IDO2: variants seen among roughly 807,000 people sequenced by gnomAD.
IDO2 encodes the protein indoleamine 2,3-dioxygenase-like 1 protein.
In IDO2, 46 loss-of-function variants were observed where a neutral mutation model predicts 45.1. The ratio of observed to expected loss-of-function variants is 1.02; its 90% CI spans 0.80 to 1.30. The LOEUF (loss-of-function observed/expected upper bound fraction) is 1.30. Ranked by LOEUF, IDO2 falls within the 50% of genes most tolerant of loss-of-function variation. The probability of loss-of-function intolerance (pLI) is 0.00; values close to 1 mark genes in which losing one functional copy is unlikely to be tolerated. For synonymous variants in IDO2, 218 were observed against 184.9 expected, an observed-to-expected ratio of 1.18 and a Z score of -1.45; for missense variants, 544 against 491.8, an observed-to-expected ratio of 1.11 and a Z score of -1.00.
At chr8:39,951,041 A>ACAAAACAAAACAAAG (rs1376787388) in intron 2 of IDO2, among the ~76,000 whole-genome samples, 1 of 151,500 alleles carries the variant, frequency 6.6e-6, no homozygotes, top group Admixed American at 6.6e-5. Context: ...ACAAAACAAA[A>ACAAAACAAAACAAAG]CAAAACAAAA....
chr8:40,001,316 C>A (rs1336158210), intron 8 of IDO2, among the ~76,000 whole-genome samples: 2 of 131,538 alleles, frequency 1.5e-5, no homozygotes, highest in Non-Finnish European at 3.0e-5. Flanking sequence ...GTGGTGCGAT[C>A]TTGGCTCACC....
exon 11 of IDO2, chr8:40,015,344 G>C: frequency 6.2e-7 from 1 of 1,613,832 alleles, no homozygotes; most frequent in African/African-American, 1.3e-5. Flanking sequence ...ACTACATCCT[G>C]TCATCTGGAC....
At chr8:39,962,545 C>A (rs12056477) in intron 2 of IDO2, among the ~76,000 whole-genome samples, 26,575 of 152,114 alleles carry the variant, frequency 0.17, 2,899 homozygotes, top group South Asian at 0.32. Context: ...CTCAGCTCAG[C>A]GAAATCCAGG....
chr8:39,960,975 G>C (rs1807986817), intron 2 of IDO2, among the ~76,000 whole-genome samples: 2 of 152,098 alleles, frequency 1.3e-5, no homozygotes, highest in Non-Finnish European at 2.9e-5. Context: ...AGTAGAGACG[G>C]GGTTTCACCG....
At chr8:39,968,075 C>CA (rs1160689428) in intron 3 of IDO2, among the ~76,000 whole-genome samples, 2 of 98,308 alleles carry the variant, frequency 2.0e-5, no homozygotes, top group Non-Finnish European at 1.9e-5. Flanking sequence ...TATTCATAAT[C>CA]ACCAAAAAAA....
intron 9 of IDO2, among the ~76,000 whole-genome samples, chr8:40,007,644 C>A (rs1802242924): frequency 6.6e-6 from 1 of 152,114 alleles, no homozygotes; most frequent in South Asian, 2.1e-4. Flanking sequence ...TAGGAAGCAC[C>A]CCAATTCTGG....
At chr8:39,982,346 T>A (rs1808366693) in intron 4 of IDO2, among the ~76,000 whole-genome samples, 2 of 152,070 alleles carry the variant, frequency 1.3e-5, no homozygotes, top group African/African-American at 4.8e-5. Context: ...TATGTTTAAT[T>A]GTTTTGGTAA....
Position 39,944,610 on chromosome 8 carries a change from T to G in IDO2, c.-17-4539T>G, listed in dbSNP as rs143114952. 5.0e-3 allele frequency among the ~76,000 whole-genome samples: 756 copies of G among 152,286 alleles called. 2 individuals are homozygous for G. The highest frequency in any genetic ancestry group is 7.9e-3 in the Non-Finnish European group (535 of 68,016). ...AGCTATATCCGCAATTCACAGGAAT[T>G]CGTCTGATTGATAACGCCCAAAGCC... On this transcript the variant is annotated intron_variant, in intron 1 of 10. Coordinates refer to ENST00000502986, the Ensembl canonical transcript of IDO2.
chr8:40,012,322 A>G (rs2981157), intron 9 of IDO2, among the ~76,000 whole-genome samples: 2 of 151,994 alleles, frequency 1.3e-5, no homozygotes, highest in African/African-American at 4.8e-5. Flanking sequence ...ATGGAAATCC[A>G]CATATGGGGT....
chr8:40,013,419 A>T (rs1157094257), intron 9 of IDO2, 146 bp from the exon 10 acceptor site: 1 of 724,804 alleles, frequency 1.4e-6, no homozygotes, highest in Non-Finnish European at 2.3e-6. Flanking sequence ...TTCAGTACTT[A>T]CCCTACAAAG....
At chr8:39,959,302 G>C (rs1807957990) in intron 2 of IDO2, among the ~76,000 whole-genome samples, 1 of 150,734 alleles carries the variant, frequency 6.6e-6, no homozygotes, top group Admixed American at 6.6e-5. Context: ...TTTTAGGAGA[G>C]ACGGGGTTTC....
At chr8:39,994,897 A>G (rs1185635658) in intron 8 of IDO2, among the ~76,000 whole-genome samples, 1 of 152,192 alleles carries the variant, frequency 6.6e-6, no homozygotes, top group Non-Finnish European at 1.5e-5. Flanking sequence ...CAAAGTAAAT[A>G]CTAAAAAACT....
rs1808018710 is a variant in IDO2 at position 39,962,744 on chromosome 8, C to T, written c.100-864C>T. ...GGCTAGGCTCCTCCCCAGCATAAGG[C>T]ATGAATTCCTGGTGGTTCCACCAGT... is the stretch of plus-strand genomic sequence containing the variant. On this transcript the variant is annotated intron_variant, in intron 2 of 10. Transcript: ENST00000502986. 2.0e-5 allele frequency among the ~76,000 whole-genome samples: 3 copies of T among 152,212 alleles called. No individual in the cohort carries two copies. The South Asian group carries it at 6.2e-4, about 32-fold the overall frequency.
intron 2 of IDO2, among the ~76,000 whole-genome samples, chr8:39,951,263 T>C (rs1807810277): frequency 7.6e-6 from 1 of 131,922 alleles, no homozygotes; most frequent in Non-Finnish European, 1.6e-5. Context: ...GACTGCAACA[T>C]CGGACCCCAA....
chr8:39,983,367 C>T (rs1300182992), intron 5 of IDO2, among the ~76,000 whole-genome samples: 2 of 152,182 alleles, frequency 1.3e-5, no homozygotes, highest in Non-Finnish European at 2.9e-5. Context: ...ATTTTCCTTT[C>T]ACCTTAATTT....
intron 8 of IDO2, among the ~76,000 whole-genome samples, chr8:39,995,533 C>T (rs766745300): frequency 1.3e-5 from 2 of 151,950 alleles, no homozygotes; most frequent in African/African-American, 2.4e-5. Context: ...CCACCTGCCT[C>T]GGCCTCCCAA....
chr8:39,948,719 T>C (rs1253680175), intron 1 of IDO2, among the ~76,000 whole-genome samples: 1 of 152,218 alleles, frequency 6.6e-6, no homozygotes, highest in Non-Finnish European at 1.5e-5. Context: ...GAAACCTTGC[T>C]AACAATTTTG....
chr8:39,989,741 TG>T lies in IDO2; in HGVS notation c.571del (p.Ala191LeufsTer17), dbSNP rs1808473344. Reference sequence around the variant, plus strand: ...CCTAGGCTCTTGTTCAGGCCACGAATGCTATCTTGCAGCCCAACCAGGAGGC... The same window carrying T: ...CCTAGGCTCTTGTTCAGGCCACGAATCTATCTTGCAGCCCAACCAGGAGGC... On this transcript the variant is annotated frameshift_variant, in exon 8 of 11. Transcript: ENST00000502986. LOFTEE classifies it high-confidence loss of function. The T allele has an allele frequency of 1.9e-6, 3 of 1,596,800 alleles. No homozygotes were observed. Among genetic ancestry groups the T allele is most frequent in the Admixed American group, 1.7e-5 (1 of 57,494 alleles).
chr8:40,014,284 C>T (rs2981160), intron 10 of IDO2, among the ~76,000 whole-genome samples: 149,380 of 152,338 alleles, frequency 0.98, 73,306 homozygotes, highest in East Asian at 1. Flanking sequence ...AACTTAGTGT[C>T]GTAGATTCAA....
Sources: allele counts gnomAD v4.1 joint callset (sites outside exome capture counted in the v4.1 genomes callset), GRCh38; gene constraint gnomAD v4.1.1; transcripts MANE v1.5; gene names NCBI Gene and HGNC (gene_info 2026-07-23, HGNC 2026-07-21).